The following SDK1 variants were observed in gnomAD, a reference collection of about 807,000 sequenced individuals.
SDK1 encodes sidekick cell adhesion molecule 1, also known as protein sidekick-1.
SDK1 carries 157 observed loss-of-function variants against 245.5 expected under a neutral mutation model. The observed-to-expected ratio is 0.64, with a 90% CI of 0.56 to 0.73. SDK1 has a LOEUF of 0.73. SDK1 is among the 30% of genes least tolerant of loss of function. The pLI is 0.00. For synonymous variants in SDK1, 1,647 were observed against 1,278.5 expected, an observed-to-expected ratio of 1.29 and a Z score of -6.15; for missense variants, 3,583 against 3,002.3, an observed-to-expected ratio of 1.19 and a Z score of -4.52.
intron 17 of SDK1, among the ~76,000 whole-genome samples, chr7:4,021,121 G>A (rs1265739598): frequency 6.6e-6 from 1 of 152,194 alleles, no homozygotes; most frequent in Non-Finnish European, 1.5e-5. Context: ...GTTGTGGGAA[G>A]GGCCCTGACC....
chr7:3,843,528 T>A (rs753250612), intron 5 of SDK1, among the ~76,000 whole-genome samples: 3 of 152,240 alleles, frequency 2.0e-5, no homozygotes, highest in Non-Finnish European at 2.9e-5. Context: ...ATTCCTTCAT[T>A]AGTTTTAATT....
chr7:4,187,695 A>G (rs1782971788), intron 35 of SDK1, among the ~76,000 whole-genome samples: 1 of 152,248 alleles, frequency 6.6e-6, no homozygotes, highest in South Asian at 2.1e-4. Context: ...GCAGACAGCA[A>G]TTCATGAATC....
At chr7:3,755,681 C>T (rs542252230) in intron 4 of SDK1, among the ~76,000 whole-genome samples, 1 of 152,232 alleles carries the variant, frequency 6.6e-6, no homozygotes, top group Non-Finnish European at 1.5e-5. Flanking sequence ...CCCCCCAACC[C>T]CTCACCCCAA....
chr7:4,003,671 T>C (rs1188652541), intron 14 of SDK1, among the ~76,000 whole-genome samples: 1 of 152,248 alleles, frequency 6.6e-6, no homozygotes, highest in African/African-American at 2.4e-5. Context: ...ACGTGACTCA[T>C]CACTGCTGAT....
intron 4 of SDK1, among the ~76,000 whole-genome samples, chr7:3,693,875 C>T (rs1034628085): frequency 2.0e-5 from 3 of 152,108 alleles, no homozygotes; most frequent in African/African-American, 7.2e-5. Context: ...TCATTTTCTC[C>T]TTCCTGCACA....
chr7:3,948,703 G>A (rs1780676465), intron 5 of SDK1, among the ~76,000 whole-genome samples: 1 of 152,206 alleles, frequency 6.6e-6, no homozygotes, highest in Non-Finnish European at 1.5e-5. Flanking sequence ...CAGCCTTGGG[G>A]CTCATCTGTC....
chr7:3,969,118 G>C (rs76822207), intron 10 of SDK1, 139 bp from the exon 11 acceptor site: 2 of 714,842 alleles, frequency 2.8e-6, no homozygotes, highest in South Asian at 2.6e-5. Context: ...CTCCCCCGAC[G>C]TGGGGATTGC....
At chr7:3,408,041 CT>C (rs1358366851) in intron 1 of SDK1, among the ~76,000 whole-genome samples, 3 of 151,864 alleles carry the variant, frequency 2.0e-5, no homozygotes, top group African/African-American at 7.3e-5. Flanking sequence ...ATAGTTCATT[CT>C]TTCATTTTTT....
At chr7:3,878,729 CTCTTT>C (rs1444741541) in intron 5 of SDK1, among the ~76,000 whole-genome samples, 1 of 152,134 alleles carries the variant, frequency 6.6e-6, no homozygotes, top group Non-Finnish European at 1.5e-5. Context: ...TTTCTGTTAT[CTCTTT>C]TCTTCTCACC....
intron 1 of SDK1, among the ~76,000 whole-genome samples, chr7:3,484,214 T>C (rs1028925039): frequency 1.5e-4 from 23 of 152,244 alleles, no homozygotes; most frequent in African/African-American, 5.5e-4. Context: ...TTTCACCTTC[T>C]GTATCCATGA....
rs1418335916 is a variant in SDK1 at position 3,580,996 on chromosome 7, C to CAAAAAAAAAAAAAAAAAAA, written c.299-38080_299-38079insAAAAAAAAAAAAAAAAAAA. Reference sequence around the variant, plus strand: ...AAAAAAAAAAAAAAAAAAAAAAAACCAAAACAAAACCCTGGAAGACAATCT... The same window carrying CAAAAAAAAAAAAAAAAAAA: ...AAAAAAAAAAAAAAAAAAAAAAAACCAAAAAAAAAAAAAAAAAAAAAAACAAAACCCTGGAAGACAATCT... On this transcript the variant is annotated intron_variant, in intron 1 of 44. Transcript: ENST00000404826. Among the ~76,000 whole-genome samples, 15 of 92,960 alleles carry CAAAAAAAAAAAAAAAAAAA rather than the reference C, an allele frequency of 1.6e-4. 3 individuals are homozygous for CAAAAAAAAAAAAAAAAAAA. Among genetic ancestry groups the CAAAAAAAAAAAAAAAAAAA allele is most frequent in the East Asian group, 3.6e-4 (1 of 2,776 alleles). The allele number at this position is 92,960 out of a possible 152,430, so 61.0% of individuals were successfully genotyped here.
intron 40 of SDK1, among the ~76,000 whole-genome samples, chr7:4,232,402 C>CTTTTTTTTTTTTTTTT (rs1234788967): frequency 9.2e-5 from 6 of 65,072 alleles, no homozygotes; most frequent in South Asian, 1.1e-3. Context: ...CTTTTCTTTT[C>CTTTTTTTTTTTTTTTT]TTTTCTTTCT....
At chr7:3,958,883 C>T in intron 7 of SDK1, 48 bp from the exon 8 acceptor site, 2 of 1,428,326 alleles carry the variant, frequency 1.4e-6, no homozygotes, top group Non-Finnish European at 2.0e-6. Context: ...TGGTCTCTGA[C>T]ATATCCTTCT....
chr7:3,965,103 T>G (rs947571463), intron 9 of SDK1, among the ~76,000 whole-genome samples: 1 of 152,206 alleles, frequency 6.6e-6, no homozygotes, highest in African/African-American at 2.4e-5. Context: ...TTGAAGGATG[T>G]GGCCTACTCA....
Position 3,705,775 on chromosome 7 carries a change from G to C in SDK1, c.713+63670G>C, listed in dbSNP as rs189969111. On this transcript the variant is annotated intron_variant, in intron 4 of 44. Coordinates refer to ENST00000404826, the MANE Select transcript of SDK1 (RefSeq NM_152744.4). ...TTTTTTATCTTGCCTGATTCCTCTG[G>C]CTAGGACTTCCAGTACTGTGTTGAA... 5.7e-4 allele frequency among the ~76,000 whole-genome samples: 86 copies of C among 151,902 alleles called. No individual in the cohort carries two copies. The Middle Eastern group carries it at 0.01, about 18-fold the overall frequency.
intron 4 of SDK1, among the ~76,000 whole-genome samples, chr7:3,769,511 C>G (rs940108483): frequency 1.3e-5 from 2 of 152,150 alleles, no homozygotes; most frequent in African/African-American, 2.4e-5. Context: ...TCCTTATGAT[C>G]CAATTGCCCC....
intron 30 of SDK1, among the ~76,000 whole-genome samples, chr7:4,153,499 T>C (rs890845086): frequency 3.9e-5 from 6 of 152,280 alleles, no homozygotes; most frequent in Non-Finnish European, 8.8e-5. Context: ...GGCAGGAGAA[T>C]TGCTTGAACC....
At chr7:3,613,975 G>C (rs1187917029) in intron 1 of SDK1, among the ~76,000 whole-genome samples, 1 of 152,166 alleles carries the variant, frequency 6.6e-6, no homozygotes, top group African/African-American at 2.4e-5. Flanking sequence ...TCCTGTTGGA[G>C]CGTGGAGGAT....
At chr7:3,754,280 A>G (rs774972416) in intron 4 of SDK1, among the ~76,000 whole-genome samples, 2 of 152,210 alleles carry the variant, frequency 1.3e-5, no homozygotes, top group Non-Finnish European at 2.9e-5. Context: ...TTCTTAATGT[A>G]TTACACCCTT....
Sources: gnomAD v4.1 joint callset for allele counts (sites outside exome capture counted in the v4.1 genomes callset) on GRCh38, gnomAD v4.1.1 for gene constraint, MANE v1.5 for transcripts, NCBI Gene and HGNC (gene_info 2026-07-23, HGNC 2026-07-21) for gene names.